TMEM100: variants seen among roughly 807,000 people sequenced by gnomAD.
The protein encoded by TMEM100 is transmembrane protein 100.
For missense variants in TMEM100, 137 were observed against 168.2 expected, an observed-to-expected ratio of 0.81 and a Z score of 1.02; for synonymous variants, 61 against 67.1, an observed-to-expected ratio of 0.91 and a Z score of 0.44.
At chr17:55,729,687 G>A (rs1909156274) in intron 1 of TMEM100, among the ~76,000 whole-genome samples, 1 of 151,974 alleles carries the variant, frequency 6.6e-6, no homozygotes, top group African/African-American at 2.4e-5. Flanking sequence ...ATACACACCA[G>A]CTGTGAGATT....
upstream of TMEM100, among the ~76,000 whole-genome samples, chr17:55,723,714 G>A (rs929695456): frequency 6.6e-6 from 1 of 152,206 alleles, no homozygotes; most frequent in African/African-American, 2.4e-5. Context: ...TGGGGAGATT[G>A]TTAAATTTAG....
At chr17:55,725,701 A>ATATGTG (rs71363812), upstream of TMEM100, among the ~76,000 whole-genome samples, 76 of 139,676 alleles carry the variant, frequency 5.4e-4, no homozygotes, top group Admixed American at 2.5e-3. Context: ...ACCCATATAT[A>ATATGTG]TGTGTGTGTG....
chr17:55,720,614 A>G lies in TMEM100; in HGVS notation c.*52T>C. The stretch of plus-strand genomic sequence containing the variant: ...CATGGTTCTGGGTGAATTGGGTGAC[A>G]AAGTCAGAGCACGTTTTCCAGGCCC... On this transcript the variant is annotated 3_prime_UTR_variant, in exon 2 of 2. Coordinates refer to ENST00000424486, the MANE Select transcript of TMEM100 (RefSeq NM_018286.3). 6.5e-7 allele frequency: 1 copy of G among 1,541,040 alleles called. No individual in the cohort carries two copies. The highest frequency in any genetic ancestry group is 1.3e-5 in the South Asian group (1 of 77,434).
At chr17:55,727,842 A>G (rs1325358179), upstream of TMEM100, 1 of 152,284 alleles carries the variant, frequency 6.6e-6, no homozygotes, top group Non-Finnish European at 1.5e-5. Flanking sequence ...CACTGGCCTT[A>G]AAATGACTGG....
chr17:55,725,731 G>A (rs1027840459), upstream of TMEM100, among the ~76,000 whole-genome samples: 14 of 137,636 alleles, frequency 1.0e-4, no homozygotes, highest in African/African-American at 4.1e-4. Context: ...GTGTGTGTGT[G>A]TGTGTGTGTG....
chr17:55,724,814 G>A (rs2144867565), upstream of TMEM100, among the ~76,000 whole-genome samples: 1 of 152,284 alleles, frequency 6.6e-6, no homozygotes, highest in South Asian at 2.1e-4. Context: ...CCTTGACTGA[G>A]TCTATAATGA....
upstream of TMEM100, chr17:55,722,872 T>A (rs543637390): frequency 6.6e-6 from 1 of 152,348 alleles, no homozygotes; most frequent in African/African-American, 2.4e-5. Context: ...GACGCTTGTC[T>A]TTCCCTCCCT....
upstream of TMEM100, among the ~76,000 whole-genome samples, chr17:55,725,562 C>A (rs1050419015): frequency 1.2e-4 from 18 of 152,128 alleles, no homozygotes; most frequent in African/African-American, 3.9e-4. Flanking sequence ...ATGCAAATCA[C>A]CACATTAGGG....
At chr17:55,730,830 C>T (rs137932502) in intron 1 of TMEM100, among the ~76,000 whole-genome samples, 1 of 152,300 alleles carries the variant, frequency 6.6e-6, no homozygotes, top group Non-Finnish European at 1.5e-5. Flanking sequence ...AGATCTCTTG[C>T]TCTCTTTCTT....
At chr17:55,730,757 G>A (rs1909184632) in intron 1 of TMEM100, among the ~76,000 whole-genome samples, 1 of 152,180 alleles carries the variant, frequency 6.6e-6, no homozygotes, top group South Asian at 2.1e-4. Flanking sequence ...TTGCCCAGCT[G>A]AACTGAGTTC....
exon 1 of TMEM100, chr17:55,732,077 A>G (rs1235411979): frequency 2.0e-5 from 3 of 152,338 alleles, no homozygotes; most frequent in African/African-American, 7.2e-5. Flanking sequence ...GGGACCAACA[A>G]GGCTTTTGGA....
chr17:55,727,464 A>C (rs1909100877), upstream of TMEM100, among the ~76,000 whole-genome samples: 1 of 152,126 alleles, frequency 6.6e-6, no homozygotes, highest in South Asian at 2.1e-4. Flanking sequence ...AGGGAGGAGA[A>C]GGGAAGGGAT....
chr17:55,725,134 T>A (rs555003908), upstream of TMEM100, among the ~76,000 whole-genome samples: 1 of 152,316 alleles, frequency 6.6e-6, no homozygotes, highest in Admixed American at 6.5e-5. Context: ...CAAATTGAAA[T>A]TCAAAGAGAA....
chr17:55,720,715 C>T lies in TMEM100; in HGVS notation c.356G>A (p.Arg119Gln), dbSNP rs763570293. 1.1e-5 allele frequency: 17 copies of T among 1,613,728 alleles called. No individual in the cohort carries two copies. The highest frequency in any genetic ancestry group is 1.6e-4 in the Middle Eastern group (1 of 6,074). Reference sequence around the variant, plus strand: ...TGCCACGAGAGCTGTTTGACTCTCCCGTCTCTTGGCTTTCTTGCTCCTTTG... The same window carrying T: ...TGCCACGAGAGCTGTTTGACTCTCCTGTCTCTTGGCTTTCTTGCTCCTTTG... Reference protein sequence around the residue: ...VRQRSKKAKRRESQTALVANQ... With the variant: ...VRQRSKKAKRQESQTALVANQ... The change falls in exon 2 of 2, where the codon CGG becomes CAG. Residue 119 changes from arginine (R) to glutamine (Q), a missense_variant. Physicochemically the swap from Arg to Gln is conservative, Grantham distance 43 (BLOSUM62 1). Transcript: ENST00000424486.
At position 55,720,724 on chromosome 17, in the gene TMEM100, G is replaced by A. The variant is rs765082063; in HGVS notation, c.347C>T (p.Ala116Val). The A allele has an allele frequency of 6.2e-7, 1 of 1,614,092 alleles. No homozygotes were observed. The highest frequency in any genetic ancestry group is 1.7e-5 in the Admixed American group (1 of 59,990). ...CWKVRQRSKK[A>V]KRRESQTALV... Reference sequence around the variant, plus strand: ...AGCTGTTTGACTCTCCCGTCTCTTGGCTTTCTTGCTCCTTTGTCTCACTTT... The same window carrying A: ...AGCTGTTTGACTCTCCCGTCTCTTGACTTTCTTGCTCCTTTGTCTCACTTT... The change falls in exon 2 of 2, where the codon GCC (alanine) becomes GTC (valine). Residue 116 changes from alanine to valine, a missense_variant. Ala to Val is a moderately conservative substitution (Grantham distance 64). Coordinates refer to ENST00000424486, the MANE Select transcript of TMEM100 (RefSeq NM_018286.3).
chr17:55,726,824 G>A (rs1909087163), upstream of TMEM100, among the ~76,000 whole-genome samples: 1 of 152,124 alleles, frequency 6.6e-6, no homozygotes, highest in Admixed American at 6.6e-5. Context: ...TGGATAGCAG[G>A]TCATGTTATT....
At chr17:55,723,254 C>A (rs1908965886), upstream of TMEM100, among the ~76,000 whole-genome samples, 1 of 152,120 alleles carries the variant, frequency 6.6e-6, no homozygotes. Context: ...GCTGTGAAGT[C>A]ATCAGGCAGC....
chr17:55,727,203 A>G (rs1909094354), upstream of TMEM100, among the ~76,000 whole-genome samples: 2 of 152,224 alleles, frequency 1.3e-5, no homozygotes, highest in African/African-American at 2.4e-5. Context: ...TCTCAAAATC[A>G]GAATATACAC....
At chr17:55,721,973 A>G (rs922600861) in intron 1 of TMEM100, among the ~76,000 whole-genome samples, 1 of 152,254 alleles carries the variant, frequency 6.6e-6, no homozygotes, top group African/African-American at 2.4e-5. Flanking sequence ...GATATTATGT[A>G]TACTACAACA....
Sources: allele counts gnomAD v4.1 joint callset (sites outside exome capture counted in the v4.1 genomes callset), GRCh38; gene constraint gnomAD v4.1.1; transcripts MANE v1.5; gene names NCBI Gene and HGNC (gene_info 2026-07-23, HGNC 2026-07-21).